The following CNTNAP2 variants were observed in gnomAD, a reference collection of about 807,000 sequenced individuals.
CNTNAP2 encodes the protein contactin associated protein 2, also known as contactin-associated protein-like 2.
CNTNAP2 carries 98 observed loss-of-function variants against 155.2 expected under a neutral mutation model. That is an observed-to-expected ratio of 0.63 (90% CI 0.54 to 0.75). The LOEUF (loss-of-function observed/expected upper bound fraction) is 0.75, where lower values mean the gene tolerates loss of function less well. CNTNAP2 is among the 30% of genes least tolerant of loss of function. The pLI is 0.00. For missense variants in CNTNAP2, 1,727 were observed against 1,688.1 expected (o/e 1.02, Z -0.40); for synonymous variants, 651 against 631.2 (o/e 1.03, Z -0.47).
intron 12 of CNTNAP2, among the ~76,000 whole-genome samples, chr7:147,601,070 CT>C (rs1374542309): frequency 6.6e-6 from 1 of 152,128 alleles, no homozygotes; most frequent in Non-Finnish European, 1.5e-5. Flanking sequence ...GGAGAGAGCA[CT>C]GTAAAAGTCC....
chr7:147,183,935 G>A (rs190372279), intron 8 of CNTNAP2, among the ~76,000 whole-genome samples: 132 of 152,246 alleles, frequency 8.7e-4, no homozygotes, highest in Middle Eastern at 3.4e-3. Context: ...TAAATAATCT[G>A]GCAGTAGTGA....
chr7:147,076,971 T>C (rs1478857270), intron 4 of CNTNAP2, among the ~76,000 whole-genome samples: 1 of 152,184 alleles, frequency 6.6e-6, no homozygotes, highest in African/African-American at 2.4e-5. Flanking sequence ...AGGAACATTG[T>C]ATTAGTTTCC....
chr7:146,291,770 A>G (rs1334276654), intron 1 of CNTNAP2, among the ~76,000 whole-genome samples: 7 of 152,232 alleles, frequency 4.6e-5, no homozygotes, highest in Admixed American at 4.6e-4. Context: ...TCTGTAATGT[A>G]AAACTACTAG....
intron 1 of CNTNAP2, among the ~76,000 whole-genome samples, chr7:146,578,264 A>G (rs1454885963): frequency 6.6e-6 from 1 of 152,244 alleles, no homozygotes; most frequent in East Asian, 1.9e-4. Flanking sequence ...GCCTGGAGCC[A>G]CTAGTAAATC....
chr7:148,247,621 CTCTCTATT>C lies in CNTNAP2; in HGVS notation c.3381+17844_3381+17851del, dbSNP rs753629810. ...TCTCTCTCTCTCTCTCTCTCTCTCTCTCTCTATTTATTTATTTATTTATTTATTTATTT... is the reference window on the plus strand; with the variant it reads ...TCTCTCTCTCTCTCTCTCTCTCTCTCTATTTATTTATTTATTTATTTATTT... On this transcript the variant is annotated intron_variant, in intron 20 of 23. Coordinates refer to ENST00000361727, the MANE Select transcript of CNTNAP2 (RefSeq NM_014141.6). 3.1e-3 allele frequency among the ~76,000 whole-genome samples: 407 copies of C among 132,822 alleles called. 1 individual carries two copies. The highest frequency in any genetic ancestry group is 7.2e-3 in the African/African-American group (236 of 32,984). 87.1% of individuals were successfully genotyped at this position (132,822 alleles called of 152,430 possible). A position where few individuals can be genotyped will look rare whatever the true frequency, so the allele number is the denominator to read the frequency against.
intron 9 of CNTNAP2, among the ~76,000 whole-genome samples, chr7:147,327,463 G>A (rs1048018407): frequency 6.6e-6 from 1 of 152,210 alleles, no homozygotes; most frequent in Admixed American, 6.5e-5. Context: ...ATTAAGAAAA[G>A]GTTAAATTGC....
At chr7:146,826,884 G>C (rs1312271459) in intron 2 of CNTNAP2, among the ~76,000 whole-genome samples, 5 of 146,260 alleles carry the variant, frequency 3.4e-5, no homozygotes, top group Non-Finnish European at 7.4e-5. Context: ...AGAGAGACTT[G>C]AGTAAGAATA....
At chr7:148,140,895 G>T (rs997194780) in intron 16 of CNTNAP2, among the ~76,000 whole-genome samples, 1 of 152,222 alleles carries the variant, frequency 6.6e-6, no homozygotes, top group South Asian at 2.1e-4. Context: ...ACCTCTTGAG[G>T]GCAAGGCTAA....
intron 14 of CNTNAP2, among the ~76,000 whole-genome samples, chr7:147,941,949 A>G (rs1220288635): frequency 6.6e-6 from 1 of 152,206 alleles, no homozygotes; most frequent in Non-Finnish European, 1.5e-5. Context: ...TCATGTGGCC[A>G]TGTCTACCTA....
intron 13 of CNTNAP2, among the ~76,000 whole-genome samples, chr7:147,704,741 T>C (rs1270593002): frequency 1.3e-5 from 2 of 152,238 alleles, no homozygotes; most frequent in Non-Finnish European, 2.9e-5. Context: ...CTTTTTTTAC[T>C]GATTCAATCT....
intron 15 of CNTNAP2, among the ~76,000 whole-genome samples, chr7:148,052,191 G>C (rs1802905510): frequency 6.7e-6 from 1 of 150,138 alleles, no homozygotes; most frequent in South Asian, 2.1e-4. Flanking sequence ...AAGGAAACTT[G>C]GTAGATATGG....
At chr7:146,713,658 T>C (rs1263040826) in intron 1 of CNTNAP2, among the ~76,000 whole-genome samples, 1 of 152,160 alleles carries the variant, frequency 6.6e-6, no homozygotes, top group Non-Finnish European at 1.5e-5. Context: ...CCTTTCCAAA[T>C]GTGATTCCAG....
In CNTNAP2 at chr7:147,855,440, T is replaced by C. The variant is rs537863950; in HGVS notation, c.2099-48125T>C. On this transcript the variant is annotated intron_variant, in intron 13 of 23. Coordinates refer to ENST00000361727, the MANE Select transcript of CNTNAP2 (RefSeq NM_014141.6). Reference sequence around the variant, plus strand: ...TACCTGGATGCTTCTTCTCCTACTCTTGTTTATTAAAAGCTGTTACTTCTC... The same window carrying C: ...TACCTGGATGCTTCTTCTCCTACTCCTGTTTATTAAAAGCTGTTACTTCTC... Among the ~76,000 whole-genome samples, 3 of 152,278 alleles carry C rather than the reference T, an allele frequency of 2.0e-5. No homozygotes were observed. In the South Asian group the frequency reaches 6.2e-4, roughly 32 times the overall value.
intron 13 of CNTNAP2, among the ~76,000 whole-genome samples, chr7:147,723,603 T>C (rs1308869859): frequency 2.0e-5 from 3 of 151,878 alleles, no homozygotes; most frequent in African/African-American, 7.3e-5. Context: ...TGCAAAACTC[T>C]GCTTATACGT....
chr7:147,345,758 G>T (rs1364065304), intron 9 of CNTNAP2, among the ~76,000 whole-genome samples: 1 of 152,008 alleles, frequency 6.6e-6, no homozygotes, highest in Admixed American at 6.6e-5. Flanking sequence ...TTACTATAGA[G>T]GAACTATATT....
At chr7:146,255,018 GA>G (rs368433092) in intron 1 of CNTNAP2, among the ~76,000 whole-genome samples, 5,709 of 148,988 alleles carry the variant, frequency 0.038, 168 homozygotes, top group African/African-American at 0.078. Context: ...GTAGAAAGTT[GA>G]AAAAAAAAAT....
At chr7:147,125,222 G>T (rs1020903251) in intron 6 of CNTNAP2, among the ~76,000 whole-genome samples, 1 of 151,784 alleles carries the variant, frequency 6.6e-6, no homozygotes, top group Non-Finnish European at 1.5e-5. Context: ...TCACCATGTC[G>T]ACCAGGATGG....
chr7:146,395,794 T>G (rs768330164), intron 1 of CNTNAP2, among the ~76,000 whole-genome samples: 5,182 of 138,496 alleles, frequency 0.037, 251 homozygotes, highest in African/African-American at 0.13. Flanking sequence ...GATAGATAGA[T>G]AGATAGATAG....
chr7:147,421,288 A>AT (rs1797286701), intron 10 of CNTNAP2, among the ~76,000 whole-genome samples: 3 of 152,062 alleles, frequency 2.0e-5, no homozygotes, highest in Admixed American at 2.0e-4. Context: ...ATATATATAT[A>AT]AAAATATTGA....
Sources: allele counts gnomAD v4.1 joint callset (sites outside exome capture counted in the v4.1 genomes callset), GRCh38; gene constraint gnomAD v4.1.1; transcripts MANE v1.5; gene names NCBI Gene and HGNC (gene_info 2026-07-23, HGNC 2026-07-21).